Variants in FAM120A observed in about 807,000 individuals in gnomAD.
The protein encoded by FAM120A is family with sequence similarity 120 member A.
FAM120A carries 15 observed loss-of-function variants against 109.7 expected under a neutral mutation model. The ratio of observed to expected loss-of-function variants is 0.14; its 90% CI spans 0.09 to 0.21. FAM120A has a LOEUF of 0.21. Among genes scored for constraint, FAM120A ranks in the 10% least tolerant of loss-of-function variants. FAM120A has a pLI of 1.00. For synonymous variants in FAM120A, 493 were observed against 572.8 expected (o/e 0.86, Z 1.99); for missense variants, 899 against 1,439.3 (o/e 0.62, Z 6.07).
chr9:93,517,359 T>G (rs1860645963), intron 7 of FAM120A, among the ~76,000 whole-genome samples: 1 of 152,240 alleles, frequency 6.6e-6, no homozygotes, highest in Non-Finnish European at 1.5e-5. Context: ...AATTTTTAAA[T>G]TAACCTCTAG....
Position 93,558,684 on chromosome 9 carries a change from C to T in FAM120A, c.2772C>T (p.Gly924=), listed in dbSNP as rs1784378275. 6.2e-7 allele frequency: 1 copy of T among 1,614,140 alleles called. No homozygotes were observed. ...AASGHCGAFS[G]SDSSRTSKSQ... is the part of the protein sequence containing the mutation. ...CGGGACACTGCGGAGCCTTCTCAGG[C>T]AGTGACAGCAGCAGGACTAGCAAGT... Residue 924 remains glycine (G), a synonymous_variant, in exon 15 of 18, where the codon GGC becomes GGT. Coordinates refer to ENST00000277165, the MANE Select transcript of FAM120A (RefSeq NM_014612.5).
chr9:93,546,800 A>C (rs754500971), intron 11 of FAM120A, among the ~76,000 whole-genome samples: 1 of 152,196 alleles, frequency 6.6e-6, no homozygotes, highest in Admixed American at 6.5e-5. Context: ...TCATGGCTAC[A>C]GTTTTTTTTA....
At chr9:93,540,243 T>C (rs1252826643) in intron 10 of FAM120A, among the ~76,000 whole-genome samples, 1 of 152,232 alleles carries the variant, frequency 6.6e-6, no homozygotes, top group Non-Finnish European at 1.5e-5. Context: ...TATTAACTGA[T>C]TGGCCTAAGG....
rs768552939 is a variant in FAM120A at position 93,505,051 on chromosome 9, GTTTTTTTTTTTT to G, written c.1030+6181_1030+6192del. On this transcript the variant is annotated intron_variant, in intron 5 of 17. Transcript: ENST00000277165. ...ATGCTTGTTCATGTTGTTCGCTTGT[GTTTTTTTTTTTT>G]TTTTTTTTTTTTTTTGAGAAGGAGT... is the stretch of plus-strand genomic sequence containing the variant. Among the ~76,000 whole-genome samples, 38 of 81,320 alleles carry G rather than the reference GTTTTTTTTTTTT, an allele frequency of 4.7e-4. No individual in the cohort carries two copies. The East Asian group carries it at 7.9e-3, about 17-fold the overall frequency. 53.3% of individuals were successfully genotyped at this position (81,320 alleles called of 152,430 possible). A position where few individuals can be genotyped will look rare whatever the true frequency, so the allele number is the denominator to read the frequency against.
rs746740212 is a variant in FAM120A at position 93,452,125 on chromosome 9, G to A, written c.210G>A (p.Gln70=). 10 of 1,611,080 alleles carry A rather than the reference G, an allele frequency of 6.2e-6. No individual in the cohort carries two copies. Among genetic ancestry groups the A allele is most frequent in the Non-Finnish European group, 5.1e-6 (6 of 1,179,650 alleles). The change falls in exon 1 of 18, where the codon CAG becomes CAA. Residue 70 remains glutamine (Q), a synonymous_variant. Coordinates refer to ENST00000277165, the MANE Select transcript of FAM120A (RefSeq NM_014612.5). This position sits in a 1 kb window ranked among gnomAD's most constrained non-coding sequence, Gnocchi z 7.0. ...ACACCGACTGGGTCAGCGGCGGCCA[G>A]TGGAACCACATGCTTGGCTACCTGG... ...GFYTDWVSGG[Q]WNHMLGYLAA... is the part of the protein sequence containing the mutation.
intron 7 of FAM120A, among the ~76,000 whole-genome samples, chr9:93,526,785 A>G (rs1861101768): frequency 6.6e-6 from 1 of 152,240 alleles, no homozygotes; most frequent in African/African-American, 2.4e-5. Flanking sequence ...TAAGTCTTCT[A>G]CTACCTCATA....
chr9:93,478,611 G>A (rs1353656977), intron 3 of FAM120A, among the ~76,000 whole-genome samples: 5 of 152,092 alleles, frequency 3.3e-5, no homozygotes, highest in African/African-American at 1.2e-4. Context: ...CAAGTAGCTG[G>A]GATTACAGGC....
At chr9:93,507,678 G>A (rs552226892) in intron 5 of FAM120A, among the ~76,000 whole-genome samples, 4 of 152,158 alleles carry the variant, frequency 2.6e-5, no homozygotes, top group South Asian at 2.1e-4. Context: ...TGTTAGCAGC[G>A]CTGAGTTCTG....
At chr9:93,467,852 C>T (rs957924558) in intron 1 of FAM120A, among the ~76,000 whole-genome samples, 1 of 151,964 alleles carries the variant, frequency 6.6e-6, no homozygotes, top group Non-Finnish European at 1.5e-5. Flanking sequence ...AAAAGCCCCA[C>T]ATGCCACCTT....
At chr9:93,562,106 A>G (rs916554369) in intron 16 of FAM120A, 102 bp from the exon 17 acceptor site, 5 of 1,032,874 alleles carry the variant, frequency 4.8e-6, no homozygotes, top group Non-Finnish European at 7.2e-6. Context: ...TCAGTGCTTC[A>G]TAAAACGTAA....
chr9:93,467,874 AT>A (rs899366907), intron 1 of FAM120A, among the ~76,000 whole-genome samples: 3 of 149,586 alleles, frequency 2.0e-5, no homozygotes, highest in Non-Finnish European at 4.5e-5. Context: ...GTTTTTTTGT[AT>A]TTTTTTTGGT....
chr9:93,473,525 G>A (rs566372655), intron 2 of FAM120A, among the ~76,000 whole-genome samples: 2 of 152,256 alleles, frequency 1.3e-5, no homozygotes, highest in East Asian at 1.9e-4. Flanking sequence ...TGGCCAGGCC[G>A]GTCTCCAACT....
chr9:93,480,461 C>A (rs1439230266), intron 3 of FAM120A, among the ~76,000 whole-genome samples: 1 of 152,144 alleles, frequency 6.6e-6, no homozygotes, highest in East Asian at 1.9e-4. Context: ...GGGAGCCTGG[C>A]AGCAGATGAT....
At position 93,541,068 on chromosome 9, in the gene FAM120A, T is replaced by C. The variant is rs1214691107; in HGVS notation, c.1910-2154T>C. On this transcript the variant is annotated intron_variant, in intron 10 of 17. Transcript: ENST00000277165. The stretch of plus-strand genomic sequence containing the variant: ...ATGTTTCAGTGTGTGTATTGTGGTA[T>C]GTGTGTGGTGGGGGGTGTGTGTGGT... Among the ~76,000 whole-genome samples, 3 of 32,838 alleles carry C rather than the reference T, an allele frequency of 9.1e-5. 1 individual carries two copies. The highest frequency in any genetic ancestry group is 2.1e-4 in the Non-Finnish European group (3 of 14,206). 21.5% of individuals were successfully genotyped at this position (32,838 alleles called of 152,430 possible).
In FAM120A at chr9:93,452,680, A is replaced by G. The variant is rs1362095205; in HGVS notation, c.474+291A>G. ...ACCAGAATTCGGAGGCGACAGTGTC[A>G]TCATCCCCAATATCCTTAGTTTTTC... is the stretch of plus-strand genomic sequence containing the variant. On this transcript the variant is annotated intron_variant, in intron 1 of 17. Coordinates refer to ENST00000277165, the MANE Select transcript of FAM120A (RefSeq NM_014612.5). The surrounding 1 kb of genome is among the most constrained non-coding windows in gnomAD (Gnocchi z 7.0). The G allele has an allele frequency of 3.8e-6, 6 of 1,598,654 alleles. No homozygotes were observed. Among genetic ancestry groups the G allele is most frequent in the Non-Finnish European group, 5.1e-6 (6 of 1,179,928 alleles).
At chr9:93,527,711 C>G (rs540545726) in intron 8 of FAM120A, among the ~76,000 whole-genome samples, 1 of 143,960 alleles carries the variant, frequency 6.9e-6, no homozygotes, top group African/African-American at 2.5e-5. Context: ...AAACCTCTGC[C>G]CCCTGGGTTC....
In FAM120A at chr9:93,498,928, A is replaced by C. The variant is rs746369811; in HGVS notation, c.1030+42A>C. ...CTGTGATCAATATTGACCATATGAT[A>C]ATCCAAGTAGGTTTAAATATTCACC... On this transcript the variant is annotated intron_variant, in intron 5 of 17. Transcript: ENST00000277165. This position sits in a 1 kb window ranked among gnomAD's most constrained non-coding sequence, Gnocchi z 4.4. 2 of 1,137,664 alleles carry C rather than the reference A, an allele frequency of 1.8e-6. No homozygotes were observed. The highest frequency in any genetic ancestry group is 2.7e-6 in the Non-Finnish European group (2 of 750,130). 70.5% of individuals were successfully genotyped at this position (1,137,664 alleles called of 1,614,324 possible). A position where few individuals can be genotyped will look rare whatever the true frequency, so the allele number is the denominator to read the frequency against.
rs1410865657 is a variant in FAM120A, at chr9:93,456,776, A to G, written c.474+4387A>G. 2.0e-5 allele frequency among the ~76,000 whole-genome samples: 3 copies of G among 152,276 alleles called. No individual in the cohort carries two copies. The East Asian group carries it at 5.8e-4, about 29-fold the overall frequency. ...GTGCCTACCTACAATTCTCACCCCC[A>G]GGTCAATTACGATAGCTAACTGCTT... On this transcript the variant is annotated intron_variant, in intron 1 of 17. Transcript: ENST00000277165.
rs943829117 is a variant in FAM120A at position 93,532,530 on chromosome 9, C to T, written c.1909+201C>T. On this transcript the variant is annotated intron_variant, in intron 10 of 17. Transcript: ENST00000277165. The surrounding 1 kb of genome is among the most constrained non-coding windows in gnomAD (Gnocchi z 4.3). ...AGCCACAGACTTTCTTCCTCAGTAA[C>T]ATTCCAATAATGATGTTTATTCAGT... The T allele has an allele frequency of 3.4e-6, 2 of 588,704 alleles. No homozygotes were observed. Among genetic ancestry groups the T allele is most frequent in the Admixed American group, 3.0e-5 (1 of 33,198 alleles). The allele number at this position is 588,704 out of a possible 1,614,324, so 36.5% of individuals were successfully genotyped here. A position where few individuals can be genotyped will look rare whatever the true frequency, so the allele number is the denominator to read the frequency against.
Sources: gnomAD v4.1 joint callset for allele counts (sites outside exome capture counted in the v4.1 genomes callset) on GRCh38, gnomAD v4.1.1 for gene constraint, Gnocchi (gnomAD v3.1) non-coding constraint, MANE v1.5 for transcripts, NCBI Gene and HGNC (gene_info 2026-07-23, HGNC 2026-07-21) for gene names.